The following MOK variants were observed in gnomAD, a reference collection of about 807,000 sequenced individuals.
MOK encodes MAPK/MAK/MRK overlapping kinase.
In MOK, 59 loss-of-function variants were observed where a neutral mutation model predicts 54.2. The observed-to-expected ratio is 1.09, with a 90% CI of 0.88 to 1.35. The LOEUF (loss-of-function observed/expected upper bound fraction) is 1.35. MOK is among the 40% of genes most tolerant of loss of function. The pLI is 0.00. For synonymous variants in MOK, 210 were observed against 202.7 expected, an observed-to-expected ratio of 1.04 and a Z score of -0.31; for missense variants, 517 against 526.2, an observed-to-expected ratio of 0.98 and a Z score of 0.17.
At chr14:102,223,327 CTG>C (rs2064117638), downstream of MOK, 1 of 152,586 alleles carries the variant, frequency 6.6e-6, no homozygotes, top group Non-Finnish European at 1.5e-5. Flanking sequence ...ATAGAGAAAA[CTG>C]TTACTTTCTG....
chr14:102,217,467 A>G, the MOK span, among the ~76,000 whole-genome samples: 1 of 152,150 alleles, frequency 6.6e-6, no homozygotes, highest in African/African-American at 2.4e-5. Context: ...GCATCTGGGC[A>G]AGTGTGGCCC....
At chr14:102,284,227 GATGTGGGGTGCTGCTGTGAACA>G (rs1314121744) in intron 1 of MOK, among the ~76,000 whole-genome samples, 1 of 151,958 alleles carries the variant, frequency 6.6e-6, no homozygotes, top group Non-Finnish European at 1.5e-5. Context: ...TGAGCACCTT[GATGTGGGGTGCTGCTGTGAACA>G]AAAGTCTAAA....
downstream of MOK, chr14:102,225,637 A>AGAT (rs1488464864): frequency 6.5e-6 from 1 of 153,606 alleles, no homozygotes; most frequent in Non-Finnish European, 1.4e-5. Flanking sequence ...TAACGCTGTC[A>AGAT]GATACGCCCC....
intron 1 of MOK, 36 bp downstream of exon 1, chr14:102,304,926 T>G: frequency 8.2e-7 from 1 of 1,218,094 alleles, no homozygotes; most frequent in Non-Finnish European, 1.1e-6. Context: ...CGCCACTCGC[T>G]CTCCAGTCCC....
At chr14:102,218,352 G>A in the MOK span, among the ~76,000 whole-genome samples, 1 of 152,150 alleles carries the variant, frequency 6.6e-6, no homozygotes, top group African/African-American at 2.4e-5. Context: ...AGGGGTCGTG[G>A]GGGTCAGAAG....
intron 2 of MOK, among the ~76,000 whole-genome samples, chr14:102,270,035 T>C (rs753721738): frequency 7.9e-5 from 12 of 152,212 alleles, no homozygotes; most frequent in Non-Finnish European, 1.8e-4. Flanking sequence ...GACCATAAGG[T>C]AAGTCTCAAT....
In MOK at chr14:102,249,319, A is replaced by G. The variant is rs7148939; in HGVS notation, c.590+1493T>C. On this transcript the variant is annotated intron_variant, in intron 7 of 11. Transcript: ENST00000361847. The surrounding 1 kb of genome is among the most constrained non-coding windows in gnomAD (Gnocchi z 5.3). ...CGGCCAAGGGGAGTTTTGCTGACAA[A>G]TTCAGGGTGAGACAGGTCAGGTTTT... 0.1 allele frequency among the ~76,000 whole-genome samples: 15,870 copies of G among 152,246 alleles called. 1,165 individuals carry two copies. The highest frequency in any genetic ancestry group is 0.2 in the African/African-American group (8,402 of 41,518).
chr14:102,243,431 A>T (rs2065865045), intron 7 of MOK, among the ~76,000 whole-genome samples: 1 of 152,108 alleles, frequency 6.6e-6, no homozygotes, highest in Non-Finnish European at 1.5e-5. Flanking sequence ...CTTTTTGTCC[A>T]AACAACTTGA....
At chr14:102,278,347 A>G (rs1055928728) in intron 2 of MOK, among the ~76,000 whole-genome samples, 24 of 150,972 alleles carry the variant, frequency 1.6e-4, no homozygotes, top group African/African-American at 5.6e-4. Flanking sequence ...TTCATTTTGT[A>G]TATGCTTGAG....
At chr14:102,224,186 C>T (rs553972663), downstream of MOK, among the ~76,000 whole-genome samples, 78 of 151,938 alleles carry the variant, frequency 5.1e-4, no homozygotes, top group South Asian at 7.7e-3. Flanking sequence ...GGACTACAGG[C>T]GCCCGCCACC....
At position 102,251,821 on chromosome 14, in the gene MOK, G is replaced by A; in HGVS notation, c.363-17C>T. ...ATTCCATTTCTGCATTCAGTATAAA[G>A]GAAAAATAGAATTACACTTCATTTA... On this transcript the variant is annotated splice_polypyrimidine_tract_variant and intron_variant, in intron 5 of 11. Transcript: ENST00000361847. 3 of 1,557,366 alleles carry A rather than the reference G, an allele frequency of 1.9e-6. No homozygotes were observed. Among genetic ancestry groups the A allele is most frequent in the Non-Finnish European group, 2.6e-6 (3 of 1,132,512 alleles).
intron 1 of MOK, among the ~76,000 whole-genome samples, chr14:102,292,719 C>T (rs1194103549): frequency 1.3e-5 from 2 of 151,734 alleles, no homozygotes; most frequent in Non-Finnish European, 2.9e-5. Context: ...AATCTGTTCT[C>T]TCTTGTGCCA....
At chr14:102,224,282 C>T (rs779566078), downstream of MOK, among the ~76,000 whole-genome samples, 52 of 151,832 alleles carry the variant, frequency 3.4e-4, no homozygotes, top group Non-Finnish European at 4.7e-4. Flanking sequence ...CCTCGTGATC[C>T]GCCTGCCTTG....
chr14:102,240,045 C>G lies in MOK; in HGVS notation c.591-6256G>C, dbSNP rs1429458838. 2.0e-5 allele frequency among the ~76,000 whole-genome samples: 3 copies of G among 152,298 alleles called. No homozygotes were observed. Among genetic ancestry groups the G allele is most frequent in the Non-Finnish European group, 4.4e-5 (3 of 68,026 alleles). On this transcript the variant is annotated intron_variant, in intron 7 of 11. Transcript: ENST00000361847. This position sits in a 1 kb window ranked among gnomAD's most constrained non-coding sequence, Gnocchi z 5.4. ...ACAAAAGAAGTGAAAATGGCCAGCC[C>G]TGCCTTAACTGATGACATTACCTTG...
At chr14:102,241,514 C>T (rs1419795331) in intron 7 of MOK, among the ~76,000 whole-genome samples, 1 of 152,202 alleles carries the variant, frequency 6.6e-6, no homozygotes, top group Non-Finnish European at 1.5e-5. Context: ...TGTTTAGGCT[C>T]TTTTTCATCA....
rs1247840184 is a variant in MOK, at chr14:102,236,439, GCTCT to G, written c.591-2654_591-2651del. ...CCACGCGCCACCAGACCCCTTACTT[GCTCT>G]CTGTTTGATACTGTTTTCCCACACT... is the stretch of plus-strand genomic sequence containing the variant. On this transcript the variant is annotated intron_variant, in intron 7 of 11. Coordinates refer to ENST00000361847, the MANE Select transcript of MOK (RefSeq NM_014226.3). This position sits in a 1 kb window ranked among gnomAD's most constrained non-coding sequence, Gnocchi z 4.5. Among the ~76,000 whole-genome samples, 1 of 152,042 alleles carries G rather than the reference GCTCT, an allele frequency of 6.6e-6. No individual in the cohort carries two copies. Among genetic ancestry groups the G allele is most frequent in the Non-Finnish European group, 1.5e-5 (1 of 67,996 alleles).
At chr14:102,255,812 C>A (rs1159396989) in intron 4 of MOK, among the ~76,000 whole-genome samples, 2 of 152,088 alleles carry the variant, frequency 1.3e-5, no homozygotes, top group African/African-American at 2.4e-5. Context: ...TCCAGCAGGC[C>A]CCAAAAGCAT....
At chr14:102,257,921 G>A (rs1403252574) in intron 4 of MOK, among the ~76,000 whole-genome samples, 4 of 150,340 alleles carry the variant, frequency 2.7e-5, no homozygotes, top group African/African-American at 7.4e-5. Context: ...AGGTCGCAGT[G>A]AGCAGAGATC....
At chr14:102,250,458 G>C (rs1484812156) in intron 7 of MOK, among the ~76,000 whole-genome samples, 1 of 151,924 alleles carries the variant, frequency 6.6e-6, no homozygotes, top group Non-Finnish European at 1.5e-5. Flanking sequence ...CTGTGGCCAG[G>C]GCACCCTACC....
Sources: allele counts gnomAD v4.1 joint callset (sites outside exome capture counted in the v4.1 genomes callset), GRCh38; gene constraint gnomAD v4.1.1; non-coding constraint Gnocchi (gnomAD v3.1); transcripts MANE v1.5; gene names NCBI Gene and HGNC (gene_info 2026-07-23, HGNC 2026-07-21).